TPRA1: variants seen among roughly 807,000 people sequenced by gnomAD.
TPRA1 encodes the protein transmembrane protein adipocyte associated 1, also known as transmembrane protein adipocyte-associated 1.
TPRA1 carries 28 observed loss-of-function variants against 40.1 expected under a neutral mutation model. The observed-to-expected ratio is 0.70, with a 90% CI of 0.52 to 0.96. The LOEUF (loss-of-function observed/expected upper bound fraction) is 0.96. TPRA1 is among the 40% of genes least tolerant of loss of function. TPRA1 has a pLI of 0.00. For missense variants in TPRA1, 441 were observed against 482.6 expected, an observed-to-expected ratio of 0.91 and a Z score of 0.81; for synonymous variants, 219 against 209.7, an observed-to-expected ratio of 1.04 and a Z score of -0.38.
In TPRA1 at chr3:127,573,498, TC is replaced by T. The variant is rs771626074; in HGVS notation, c.*22del. On this transcript the variant is annotated 3_prime_UTR_variant, in exon 11 of 11. Transcript: ENST00000355552. ...TGCTGGCCTCCTCTCTGGCCTGTCC[TC>T]CACAGGCCCTGGCAGCTGCCCTCAG... The T allele has an allele frequency of 1.2e-6, 2 of 1,601,130 alleles. No homozygotes were observed. Among genetic ancestry groups the T allele is most frequent in the East Asian group, 4.5e-5 (2 of 44,696 alleles).
chr3:127,595,339 C>T (rs2074230764), upstream of TPRA1: 1 of 152,302 alleles, frequency 6.6e-6, no homozygotes, highest in African/African-American at 2.4e-5. Flanking sequence ...CTCTCACAGT[C>T]CATTCCACAC....
chr3:127,590,360 G>T (rs1389271419), intron 1 of TPRA1, 50 bp downstream of exon 1: 2 of 152,360 alleles, frequency 1.3e-5, no homozygotes, highest in Non-Finnish European at 2.9e-5. Context: ...GCGAGGGACG[G>T]GGCTCCCCCT....
intron 1 of TPRA1, chr3:127,588,254 C>T (rs972666366): frequency 6.6e-6 from 1 of 152,286 alleles, no homozygotes; most frequent in Non-Finnish European, 1.5e-5. Flanking sequence ...GATGCTGCTC[C>T]CAAGGGCAGG....
At chr3:127,583,481 G>A (rs1576385177) in intron 1 of TPRA1, among the ~76,000 whole-genome samples, 2 of 152,278 alleles carry the variant, frequency 1.3e-5, no homozygotes, top group African/African-American at 2.4e-5. Context: ...CTGGGTGACA[G>A]AGTGGGACCT....
At chr3:127,577,264 A>G (rs1259697374) in intron 3 of TPRA1, among the ~76,000 whole-genome samples, 188 bp from the exon 4 acceptor site, 1 of 152,074 alleles carries the variant, frequency 6.6e-6, no homozygotes, top group Admixed American at 6.5e-5. Context: ...AGAGTTGCAG[A>G]CCCTCAACTG....
At chr3:127,573,897 G>A (rs529591328) in intron 10 of TPRA1, 109 bp from the exon 11 acceptor site, 143 of 1,375,766 alleles carry the variant, frequency 1.0e-4, no homozygotes, top group East Asian at 4.0e-4. Context: ...ACCAACAGTC[G>A]CCTGACACCC....
At position 127,571,890 on chromosome 3, in the gene TPRA1, C is replaced by T. The variant is rs2073387117; in HGVS notation, c.*1631G>A. On this transcript the variant is annotated 3_prime_UTR_variant, in exon 11 of 11. Transcript: ENST00000355552. ...CTGTTGATGCCTCTCTGCTCATTCA[C>T]TGCAGCCAGCAAACTTCGGCTGACA... 1 of 152,254 alleles carries T rather than the reference C, an allele frequency of 6.6e-6. No homozygotes were observed. Among genetic ancestry groups the T allele is most frequent in the East Asian group, 1.9e-4 (1 of 5,202 alleles). 9.4% of individuals were successfully genotyped at this position (152,254 alleles called of 1,614,324 possible). A position where few individuals can be genotyped will look rare whatever the true frequency, so the allele number is the denominator to read the frequency against.
chr3:127,578,575 T>C (rs1467104647), intron 3 of TPRA1, among the ~76,000 whole-genome samples: 2 of 152,208 alleles, frequency 1.3e-5, no homozygotes, highest in Non-Finnish European at 2.9e-5. Context: ...CTGCCTAGCA[T>C]ACAGTAGGTG....
chr3:127,575,210 C>T lies in TPRA1; in HGVS notation c.829G>A (p.Val277Met). The change falls in exon 10 of 11, where the codon GTG becomes ATG. Residue 277 changes from valine to methionine, a missense_variant. By Grantham distance (21) the Val-to-Met change is conservative (BLOSUM62 1). Transcript: ENST00000355552. Reference sequence around the variant, plus strand: ...CCGAAGAAGCCCCGGAGGAAAGCCACGTAGATGAGCGGAGCGAAGAAGCTG... The same window carrying T: ...CCGAAGAAGCCCCGGAGGAAAGCCATGTAGATGAGCGGAGCGAAGAAGCTG... ...YFSFFAPLIY[V>M]AFLRGFFGSE... 6.2e-7 allele frequency: 1 copy of T among 1,614,052 alleles called. No homozygotes were observed. Among genetic ancestry groups the T allele is most frequent in the East Asian group, 2.2e-5 (1 of 44,878 alleles).
At chr3:127,577,637 G>A (rs571195533) in intron 3 of TPRA1, among the ~76,000 whole-genome samples, 1 of 152,018 alleles carries the variant, frequency 6.6e-6, no homozygotes, top group Non-Finnish European at 1.5e-5. Context: ...GAGACCTCTA[G>A]GGAAGCCACC....
At position 127,575,998 on chromosome 3, in the gene TPRA1, T is replaced by C. The variant is rs1439250664; in HGVS notation, c.551A>G (p.Asn184Ser). 6.2e-7 allele frequency: 1 copy of C among 1,613,966 alleles called. No homozygotes were observed. The highest frequency in any genetic ancestry group is 1.1e-5 in the South Asian group (1 of 91,086). Reference protein sequence around the residue: ...PDAHLSAEDFNIYGHGGRQFW... With the variant: ...PDAHLSAEDFSIYGHGGRQFW... The stretch of plus-strand genomic sequence containing the variant: ...CTGGCGGCCCCCATGGCCATAGATA[T>C]TAAAGTCCTCAGCTGAGAGATGGGC... The change falls in exon 7 of 11, where the codon AAT (asparagine) becomes AGT (serine). Residue 184 changes from asparagine (N) to serine (S), a missense_variant. By Grantham distance (46) the Asn-to-Ser change is conservative. Coordinates refer to ENST00000355552, the MANE Select transcript of TPRA1 (RefSeq NM_001136053.4).
chr3:127,574,877 T>C (rs1402682941), intron 10 of TPRA1: 5 of 447,898 alleles, frequency 1.1e-5, no homozygotes, highest in Non-Finnish European at 2.1e-5. Flanking sequence ...GGTGTGCACG[T>C]GCATGTTTGT....
chr3:127,572,248 C>T lies in TPRA1; in HGVS notation c.*1273G>A, dbSNP rs182148700. On this transcript the variant is annotated 3_prime_UTR_variant, in exon 11 of 11. Transcript: ENST00000355552. The stretch of plus-strand genomic sequence containing the variant: ...TCCCCCCTAAAAAAAAAAGGCTGAT[C>T]GCGGAGGCGGGCAACAGCCTGATCC... Among the ~76,000 whole-genome samples, 2 of 152,336 alleles carry T rather than the reference C, an allele frequency of 1.3e-5. No individual in the cohort carries two copies. The highest frequency in any genetic ancestry group is 1.9e-4 in the East Asian group (1 of 5,186).
chr3:127,591,704 A>T (rs908542893), upstream of TPRA1, among the ~76,000 whole-genome samples: 1 of 152,026 alleles, frequency 6.6e-6, no homozygotes, highest in Non-Finnish European at 1.5e-5. Context: ...CTTAATTCTC[A>T]CCTGATTGTT....
intron 10 of TPRA1, 99 bp downstream of exon 10, chr3:127,575,086 T>C (rs1220261748): frequency 6.1e-6 from 8 of 1,317,036 alleles, no homozygotes; most frequent in South Asian, 1.2e-5. Flanking sequence ...GCGCACTGTA[T>C]GCATACACAG....
upstream of TPRA1, among the ~76,000 whole-genome samples, chr3:127,593,199 G>A (rs547485808): frequency 6.5e-4 from 99 of 152,290 alleles, no homozygotes; most frequent in Admixed American, 2.4e-3. Context: ...AGGACAGAGC[G>A]TGGCATCTGC....
intron 1 of TPRA1, among the ~76,000 whole-genome samples, chr3:127,585,387 C>T (rs921681700): frequency 6.6e-6 from 1 of 152,210 alleles, no homozygotes; most frequent in Non-Finnish European, 1.5e-5. Context: ...CTCGACTTCA[C>T]TCTAAGTGCA....
At chr3:127,588,750 A>G (rs2074078087) in intron 1 of TPRA1, among the ~76,000 whole-genome samples, 1 of 152,226 alleles carries the variant, frequency 6.6e-6, no homozygotes, top group Admixed American at 6.5e-5. Flanking sequence ...TAGGATGCAC[A>G]CTTCCTATGT....
intron 1 of TPRA1, among the ~76,000 whole-genome samples, chr3:127,586,691 A>T (rs2074011849): frequency 1.3e-5 from 2 of 152,232 alleles, no homozygotes; most frequent in Admixed American, 1.3e-4. Flanking sequence ...CAAGCCAGGC[A>T]GAGTGAACGC....
Sources: allele counts gnomAD v4.1 joint callset (sites outside exome capture counted in the v4.1 genomes callset), GRCh38; gene constraint gnomAD v4.1.1; transcripts MANE v1.5; gene names NCBI Gene and HGNC (gene_info 2026-07-23, HGNC 2026-07-21).